IL1RAPL2: variants seen among roughly 807,000 people sequenced by gnomAD.
IL1RAPL2 encodes interleukin 1 receptor accessory protein like 2, also known as X-linked interleukin-1 receptor accessory protein-like 2.
A neutral mutation model predicts 44.1 loss-of-function variants in IL1RAPL2; 3 were observed. The ratio of observed to expected loss-of-function variants is 0.07; its 90% CI spans 0.03 to 0.18. The LOEUF (loss-of-function observed/expected upper bound fraction) is 0.18. IL1RAPL2 is among the 10% of genes least tolerant of loss of function. The pLI is 1.00. For synonymous variants in IL1RAPL2, 181 were observed against 178.8 expected (o/e 1.01, Z -0.10); for missense variants, 391 against 496.4 (o/e 0.79, Z 2.02).
chrX:105,342,993 C>A (rs1338798634), intron 5 of IL1RAPL2, among the ~76,000 whole-genome samples: 1 of 110,636 alleles, frequency 9.0e-6, no homozygotes, highest in African/African-American at 3.3e-5. Context: ...GGAAGGACAG[C>A]AATTGGCTGC....
At chrX:104,672,593 G>T (rs1017539870) in intron 2 of IL1RAPL2, among the ~76,000 whole-genome samples, 1 of 103,070 alleles carries the variant, frequency 9.7e-6, no homozygotes, top group Non-Finnish European at 2.0e-5. Context: ...ATGATTTATA[G>T]TCCTTTGGGT....
chrX:104,566,256 A>G lies in IL1RAPL2; in HGVS notation c.-815A>G, dbSNP rs1335797897. ...AAAAACGCAGCTCTCGGTCACTCCC[A>G]CTACCCTCCCACCCGCACTCCAGGC... is the stretch of plus-strand genomic sequence containing the variant. On this transcript the variant is annotated 5_prime_UTR_variant, in exon 1 of 11. Transcript: ENST00000372582. 2 of 112,330 alleles carry G rather than the reference A, an allele frequency of 1.8e-5. No individual in the cohort carries two copies. The highest frequency in any genetic ancestry group is 3.8e-5 in the Non-Finnish European group (2 of 53,235). 9.3% of individuals were successfully genotyped at this position (112,330 alleles called of 1,213,427 possible). A position where few individuals can be genotyped will look rare whatever the true frequency, so the allele number is the denominator to read the frequency against.
At chrX:104,578,824 CATATT>C (rs1928289163) in intron 1 of IL1RAPL2, among the ~76,000 whole-genome samples, 1 of 111,012 alleles carries the variant, frequency 9.0e-6, no homozygotes, top group African/African-American at 3.3e-5. Context: ...AGACAATTTT[CATATT>C]ATAACTGCAG....
intron 2 of IL1RAPL2, among the ~76,000 whole-genome samples, chrX:105,118,606 A>G (rs1263867321): frequency 2.7e-5 from 3 of 112,281 alleles, no homozygotes; most frequent in African/African-American, 9.7e-5. Context: ...AGAAGGAAAA[A>G]AAGGAAAAGG....
intron 2 of IL1RAPL2, among the ~76,000 whole-genome samples, chrX:104,688,639 C>T (rs1489740686): frequency 9.0e-6 from 1 of 111,583 alleles, no homozygotes; most frequent in Non-Finnish European, 1.9e-5. Context: ...TAATATTTTT[C>T]ATATAACCTC....
chrX:105,731,667 G>A (rs773937713), intron 7 of IL1RAPL2, among the ~76,000 whole-genome samples: 13 of 111,149 alleles, frequency 1.2e-4, no homozygotes, highest in African/African-American at 4.2e-4. Flanking sequence ...GCAGCAACAT[G>A]GATGGAACTC....
chrX:105,323,560 A>C (rs1252205182), intron 5 of IL1RAPL2, among the ~76,000 whole-genome samples: 2 of 111,493 alleles, frequency 1.8e-5, no homozygotes, highest in South Asian at 3.8e-4. Context: ...GTTATATTCT[A>C]TATAGCACTA....
intron 2 of IL1RAPL2, among the ~76,000 whole-genome samples, chrX:104,796,869 C>T (rs369024195): frequency 9.0e-6 from 1 of 111,555 alleles, no homozygotes; most frequent in East Asian, 2.8e-4. Flanking sequence ...CTCCCAGGTT[C>T]AAGTGATTCT....
At chrX:105,131,949 C>T (rs2033031110) in intron 2 of IL1RAPL2, among the ~76,000 whole-genome samples, 2 of 111,019 alleles carry the variant, frequency 1.8e-5, no homozygotes, top group African/African-American at 6.5e-5. Context: ...TTAAAGACTT[C>T]TGTGAATTGG....
chrX:104,635,506 A>G (rs2148013833), intron 1 of IL1RAPL2, among the ~76,000 whole-genome samples: 1 of 111,278 alleles, frequency 9.0e-6, no homozygotes, highest in East Asian at 2.8e-4. Context: ...TAATCTTTTC[A>G]CATAGTCCCA....
intron 2 of IL1RAPL2, among the ~76,000 whole-genome samples, chrX:104,722,102 T>C (rs973530384): frequency 9.0e-6 from 1 of 110,828 alleles, no homozygotes; most frequent in Non-Finnish European, 1.9e-5. Flanking sequence ...AAGAGGGTGA[T>C]TGTTCATAGC....
At chrX:104,998,488 C>T (rs895543950) in intron 2 of IL1RAPL2, among the ~76,000 whole-genome samples, 1 of 111,446 alleles carries the variant, frequency 9.0e-6, no homozygotes, top group Non-Finnish European at 1.9e-5. Context: ...TAAAATAGAA[C>T]GTACACCAGT....
intron 5 of IL1RAPL2, among the ~76,000 whole-genome samples, chrX:105,451,971 T>C (rs1158879553): frequency 1.8e-5 from 2 of 111,329 alleles, no homozygotes; most frequent in Non-Finnish European, 3.8e-5. Context: ...ATTACTAATA[T>C]AAATATAGTC....
intron 1 of IL1RAPL2, among the ~76,000 whole-genome samples, chrX:104,612,887 C>T (rs780486580): frequency 3.8e-4 from 42 of 111,253 alleles, no homozygotes; most frequent in African/African-American, 1.4e-3. Flanking sequence ...GATCTTTCTC[C>T]TCCATGGTTA....
chrX:104,809,898 G>C (rs1932960058), intron 2 of IL1RAPL2, among the ~76,000 whole-genome samples: 1 of 110,963 alleles, frequency 9.0e-6, no homozygotes, highest in Admixed American at 9.6e-5. Flanking sequence ...ATTTGACCCA[G>C]CCATCCCATT....
chrX:105,263,840 T>TTAATTTTCA (rs2034379982), intron 4 of IL1RAPL2, among the ~76,000 whole-genome samples: 1 of 111,211 alleles, frequency 9.0e-6, no homozygotes. Context: ...ATTTTCAAGT[T>TTAATTTTCA]GTTCAGGTTT....
chrX:104,677,356 G>A (rs760385423), intron 2 of IL1RAPL2, among the ~76,000 whole-genome samples: 45 of 109,647 alleles, frequency 4.1e-4, no homozygotes, highest in East Asian at 5.8e-4. Context: ...ATACCCTGCC[G>A]TGTGAGGTGT....
intron 2 of IL1RAPL2, among the ~76,000 whole-genome samples, chrX:104,753,938 C>A (rs942655226): frequency 2.7e-5 from 3 of 111,193 alleles, no homozygotes; most frequent in African/African-American, 6.5e-5. Flanking sequence ...TTTTTATTAG[C>A]GTTCAGGTTT....
intron 5 of IL1RAPL2, among the ~76,000 whole-genome samples, chrX:105,370,686 A>G (rs2147717182): frequency 8.9e-6 from 1 of 112,193 alleles, no homozygotes; most frequent in South Asian, 3.7e-4. Context: ...TGCAATGAAC[A>G]TATACATGCA....
Sources: gnomAD v4.1 joint callset for allele counts (sites outside exome capture counted in the v4.1 genomes callset) on GRCh38, gnomAD v4.1.1 for gene constraint, MANE v1.5 for transcripts, NCBI Gene and HGNC (gene_info 2026-07-23, HGNC 2026-07-21) for gene names.